The following PTPDC1 variants were observed in gnomAD, a reference collection of about 807,000 sequenced individuals.
PTPDC1 encodes protein tyrosine phosphatase domain containing 1.
Under a neutral mutation model 75.3 loss-of-function variants are expected in PTPDC1, and 53 were observed. The observed-to-expected ratio is 0.70, with a 90% CI of 0.56 to 0.88. The LOEUF (loss-of-function observed/expected upper bound fraction) is 0.88, where lower values mean the gene tolerates loss of function less well. Ranked by LOEUF, PTPDC1 falls within the 40% of genes least tolerant of loss-of-function variation. The pLI, the probability that PTPDC1 is intolerant of heterozygous loss-of-function variation, is 0.00. For missense variants in PTPDC1, 925 were observed against 998.6 expected, an observed-to-expected ratio of 0.93 and a Z score of 0.99; for synonymous variants, 349 against 366.2, an observed-to-expected ratio of 0.95 and a Z score of 0.54.
intron 1 of PTPDC1, 146 bp from the exon 2 acceptor site, chr9:94,085,105 A>C (rs138646936): frequency 2.8e-6 from 2 of 707,330 alleles, no homozygotes; most frequent in Non-Finnish European, 4.6e-6. Flanking sequence ...TTTGACAGGG[A>C]AACAGTTTTG....
chr9:94,061,356 A>G (rs1826126074), intron 1 of PTPDC1, among the ~76,000 whole-genome samples: 2 of 152,176 alleles, frequency 1.3e-5, no homozygotes. Context: ...GCTTTTCCAG[A>G]CACAGGGTGC....
chr9:94,086,423 T>C (rs1405322830), intron 2 of PTPDC1, among the ~76,000 whole-genome samples: 2 of 152,224 alleles, frequency 1.3e-5, no homozygotes, highest in African/African-American at 4.8e-5. Context: ...CCCTTCATCT[T>C]ACACTAATTA....
At chr9:94,076,580 C>T (rs1826700129) in intron 2 of PTPDC1, among the ~76,000 whole-genome samples, 1 of 151,732 alleles carries the variant, frequency 6.6e-6, no homozygotes, top group South Asian at 2.1e-4. Context: ...CTACACATTC[C>T]ATTTATCCAT....
Position 94,077,856 on chromosome 9 carries a change from G to A in PTPDC1, c.83-7395G>A, listed in dbSNP as rs573368215. On this transcript the variant is annotated intron_variant, in intron 2 of 9. Transcript: ENST00000375360. ...GGCTAGCCCCCATCCTGAAGCTACA[G>A]AGGGACTGACAGCCACTAGTCAACT... 5.9e-5 allele frequency among the ~76,000 whole-genome samples: 9 copies of A among 152,296 alleles called. No individual in the cohort carries two copies. In the East Asian group the frequency reaches 1.2e-3, roughly 20 times the overall value.
intron 1 of PTPDC1, among the ~76,000 whole-genome samples, chr9:94,044,720 C>A (rs1317715063): frequency 1.0e-5 from 1 of 98,366 alleles, no homozygotes; most frequent in Non-Finnish European, 1.8e-5. Flanking sequence ...ATCTGCATAC[C>A]TTTCTCTTTT....
At chr9:94,040,872 T>A (rs1036127186) in intron 1 of PTPDC1, among the ~76,000 whole-genome samples, 6 of 152,314 alleles carry the variant, frequency 3.9e-5, no homozygotes, top group African/African-American at 1.4e-4. Flanking sequence ...CTTGGGCAAT[T>A]TATAGTATTC....
chr9:94,098,704 T>C (rs1417408641), intron 6 of PTPDC1, 125 bp downstream of exon 6: 1 of 839,668 alleles, frequency 1.2e-6, no homozygotes, highest in Non-Finnish European at 1.9e-6. Context: ...TAATACTTTC[T>C]AACTTCAGGT....
At position 94,098,359 on chromosome 9, in the gene PTPDC1, C is replaced by T; in HGVS notation, c.1793C>T (p.Thr598Ile). ...SPGSVRQNSR[T>I]PRSPLDCGSS... ...GGCTCTGTCAGGCAGAACAGCAGGA[C>T]ACCCCGAAGCCCTCTGGACTGTGGC... The change falls in exon 6 of 9, where the codon ACA (threonine) becomes ATA (isoleucine). Residue 598 changes from threonine (T) to isoleucine (I), a missense_variant. By Grantham distance (89) the Thr-to-Ile change is moderately conservative (BLOSUM62 -1). Transcript: ENST00000620992. 2 of 1,614,184 alleles carry T rather than the reference C, an allele frequency of 1.2e-6. No homozygotes were observed. Among genetic ancestry groups the T allele is most frequent in the Non-Finnish European group, 1.7e-6 (2 of 1,180,022 alleles).
intron 1 of PTPDC1, among the ~76,000 whole-genome samples, chr9:94,037,635 A>G (rs947661217): frequency 6.6e-6 from 1 of 152,152 alleles, no homozygotes; most frequent in African/African-American, 2.4e-5. Flanking sequence ...GAATACTATT[A>G]ATAAATTACT....
chr9:94,092,116 C>T (rs909464843), intron 4 of PTPDC1, among the ~76,000 whole-genome samples: 2 of 151,488 alleles, frequency 1.3e-5, no homozygotes, highest in Admixed American at 6.6e-5. Context: ...TATTTCTTGC[C>T]TTCTGCTAGC....
chr9:94,050,021 G>A (rs1047479089), intron 1 of PTPDC1, among the ~76,000 whole-genome samples: 7 of 152,118 alleles, frequency 4.6e-5, no homozygotes, highest in African/African-American at 1.7e-4. Flanking sequence ...ACTGAGGCTT[G>A]TGCATTTGTC....
intron 6 of PTPDC1, chr9:94,101,293 T>G (rs61209800): frequency 0.017 from 5,065 of 303,018 alleles, 230 homozygotes; most frequent in African/African-American, 0.098. Flanking sequence ...GCTATAAGCT[T>G]TAACCGACCT....
At position 94,097,494 on chromosome 9, in the gene PTPDC1, C is replaced by T. The variant is rs781587128; in HGVS notation, c.928C>T (p.Pro310Ser). ...PLRNIFSCCDPKAHAVTLPQY... is the reference protein window; with the variant it reads ...PLRNIFSCCDSKAHAVTLPQY... ...CCGCAATATATTCTCTTGCTGTGAT[C>T]CCAAAGCACATGCTGTCACCTTACC... The change falls in exon 6 of 9, where the codon CCC (proline) becomes TCC (serine). Residue 310 changes from proline (P) to serine (S), a missense_variant. Coordinates refer to ENST00000620992, the MANE Select transcript of PTPDC1 (RefSeq NM_001253829.2). 1.2e-6 allele frequency: 2 copies of T among 1,614,100 alleles called. No homozygotes were observed. The highest frequency in any genetic ancestry group is 8.5e-7 in the Non-Finnish European group (1 of 1,179,964).
chr9:94,064,956 C>T, intron 2 of PTPDC1: 2 of 648,042 alleles, frequency 3.1e-6, no homozygotes, highest in Non-Finnish European at 5.3e-6. Context: ...TACTTACTGC[C>T]TTACCATCTT....
intron 1 of PTPDC1, among the ~76,000 whole-genome samples, chr9:94,061,585 T>G (rs1450138511): frequency 6.6e-6 from 1 of 152,180 alleles, no homozygotes; most frequent in African/African-American, 2.4e-5. Flanking sequence ...GAAATCTAGG[T>G]GGAGGTTCCC....
At chr9:94,073,130 T>A (rs1826571512) in intron 2 of PTPDC1, among the ~76,000 whole-genome samples, 1 of 152,208 alleles carries the variant, frequency 6.6e-6, no homozygotes, top group African/African-American at 2.4e-5. Flanking sequence ...CATTCTCCAG[T>A]GACGTCATTT....
intron 1 of PTPDC1, among the ~76,000 whole-genome samples, chr9:94,050,090 T>C (rs1008798182): frequency 2.0e-5 from 3 of 152,114 alleles, no homozygotes; most frequent in Non-Finnish European, 4.4e-5. Flanking sequence ...CTTATCTGCA[T>C]TGGTTATTCT....
upstream of PTPDC1, among the ~76,000 whole-genome samples, chr9:94,081,094 A>T (rs1313873483): frequency 6.6e-6 from 1 of 150,690 alleles, no homozygotes; most frequent in African/African-American, 2.4e-5. Flanking sequence ...GGTGCAAGCA[A>T]TTCTCCTGCC....
chr9:94,084,393 G>A (rs968546209), upstream of PTPDC1: 22 of 1,382,758 alleles, frequency 1.6e-5, no homozygotes, highest in South Asian at 3.0e-5. Context: ...TTTGTTTGTC[G>A]CCATGGAAAC....
Sources: gnomAD v4.1 joint callset for allele counts (sites outside exome capture counted in the v4.1 genomes callset) on GRCh38, gnomAD v4.1.1 for gene constraint, MANE v1.5 for transcripts, NCBI Gene and HGNC (gene_info 2026-07-23, HGNC 2026-07-21) for gene names.